The following DLG1 variants were observed in gnomAD, a reference collection of about 807,000 sequenced individuals.
DLG1 encodes discs large MAGUK scaffold protein 1, also known as disks large homolog 1.
In DLG1, 42 loss-of-function variants were observed where a neutral mutation model predicts 123.4. That is an observed-to-expected ratio of 0.34 (90% CI 0.27 to 0.44). The LOEUF (loss-of-function observed/expected upper bound fraction) is 0.44. Among genes scored for constraint, DLG1 ranks in the 20% least tolerant of loss-of-function variants. The probability of loss-of-function intolerance (pLI) is 1.00; values close to 1 mark genes in which losing one functional copy is unlikely to be tolerated. For synonymous variants in DLG1, 317 were observed against 356.2 expected, an observed-to-expected ratio of 0.89 and a Z score of 1.24; for missense variants, 942 against 1,082.6, an observed-to-expected ratio of 0.87 and a Z score of 1.82.
At chr3:197,120,169 G>A (rs1340231995) in intron 11 of DLG1, among the ~76,000 whole-genome samples, 5 of 151,906 alleles carry the variant, frequency 3.3e-5, no homozygotes, top group South Asian at 4.2e-4. Flanking sequence ...GCTGAGGTGG[G>A]AGAATTGCTT....
At chr3:197,267,055 T>C (rs1396354076) in intron 4 of DLG1, among the ~76,000 whole-genome samples, 2 of 152,188 alleles carry the variant, frequency 1.3e-5, no homozygotes, top group African/African-American at 4.8e-5. Context: ...CAGAGGTTAA[T>C]TCTGGGGAAC....
chr3:197,294,771 A>T (rs556456035), intron 3 of DLG1, among the ~76,000 whole-genome samples: 3 of 152,264 alleles, frequency 2.0e-5, no homozygotes, highest in South Asian at 2.1e-4. Flanking sequence ...ATGTCTCTGA[A>T]CACAGCAAAC....
chr3:197,184,013 G>C (rs1714231289), intron 5 of DLG1: 34 of 1,338,892 alleles, frequency 2.5e-5, no homozygotes, highest in Non-Finnish European at 3.0e-5. Context: ...CCTGTTAGCT[G>C]TATGATGGCT....
chr3:197,109,604 CT>C (rs1420966507), intron 13 of DLG1, among the ~76,000 whole-genome samples: 1 of 152,072 alleles, frequency 6.6e-6, no homozygotes, highest in Non-Finnish European at 1.5e-5. Flanking sequence ...CTCTTTATTT[CT>C]TCATGTGGAT....
chr3:197,051,472 A>G, intron 24 of DLG1, 105 bp downstream of exon 24: 1 of 825,116 alleles, frequency 1.2e-6, no homozygotes, highest in South Asian at 1.5e-5. Flanking sequence ...ACTAGTTACT[A>G]CGGGTAGATG....
At chr3:197,113,442 T>G (rs1771229107) in intron 13 of DLG1, among the ~76,000 whole-genome samples, 1 of 152,208 alleles carries the variant, frequency 6.6e-6, no homozygotes, top group Admixed American at 6.5e-5. Flanking sequence ...TTTGAAAGTA[T>G]TACTAGGTAT....
At chr3:197,166,969 T>C (rs1801768330) in intron 5 of DLG1, among the ~76,000 whole-genome samples, 1 of 151,912 alleles carries the variant, frequency 6.6e-6, no homozygotes, top group Admixed American at 6.6e-5. Flanking sequence ...ACTCCAGTGC[T>C]AGAGCTCAGC....
chr3:197,170,859 G>C (rs1803841335), intron 5 of DLG1, among the ~76,000 whole-genome samples: 1 of 152,060 alleles, frequency 6.6e-6, no homozygotes, highest in Admixed American at 6.6e-5. Flanking sequence ...TTGTCTTATA[G>C]CTTTGGGTTT....
In DLG1 at chr3:197,221,536, G is replaced by GA. The variant is rs1192184550; in HGVS notation, c.319-26948dup. Among the ~76,000 whole-genome samples the GA allele has an allele frequency of 1.3e-3, 182 of 136,654 alleles. 1 individual carries two copies. Among genetic ancestry groups the GA allele is most frequent in the East Asian group, 2.7e-3 (13 of 4,810 alleles). The allele number at this position is 136,654 out of a possible 152,430, so 89.7% of individuals were successfully genotyped here. A position where few individuals can be genotyped will look rare whatever the true frequency, so the allele number is the denominator to read the frequency against. ...TGAGACTCCATCTCAAAAAGAAAAGGAAAAAAAAAAAAGAAACATAACAGG... is the reference window on the plus strand; with the variant it reads ...TGAGACTCCATCTCAAAAAGAAAAGGAAAAAAAAAAAAAGAAACATAACAGG... On this transcript the variant is annotated intron_variant, in intron 4 of 24. Coordinates refer to ENST00000667157, the MANE Select transcript of DLG1 (RefSeq NM_001366207.1).
chr3:197,076,513 G>T, intron 18 of DLG1, 73 bp downstream of exon 18: 1 of 1,159,988 alleles, frequency 8.6e-7, no homozygotes, highest in Non-Finnish European at 1.2e-6. Flanking sequence ...TGTCTCCATG[G>T]TAACAACCAA....
In DLG1 at chr3:197,119,528, A is replaced by C. The variant is rs1456338992; in HGVS notation, c.1168T>G (p.Ser390Ala). Reference protein sequence around the residue: ...GYAPPDITNSSSQPVDNHVSP... With the variant: ...GYAPPDITNSASQPVDNHVSP... The stretch of plus-strand genomic sequence containing the variant: ...ACATGGTTATCAACAGGCTGAGAAG[A>C]AGCTTCAAAATAAACAAAGTGAAAA... Residue 390 changes from serine (S) to alanine (A), a missense_variant and splice_region_variant, in exon 12 of 25, where the codon TCT becomes GCT. Physicochemically the swap from Ser to Ala is moderately conservative, Grantham distance 99 (BLOSUM62 1). Coordinates refer to ENST00000667157, the MANE Select transcript of DLG1 (RefSeq NM_001366207.1). 8.7e-6 allele frequency: 14 copies of C among 1,603,928 alleles called. No individual in the cohort carries two copies. The highest frequency in any genetic ancestry group is 2.2e-5 in the South Asian group (2 of 89,866).
intron 11 of DLG1, among the ~76,000 whole-genome samples, chr3:197,121,823 C>CAAAAAAAAAAAAAAAAAAAAAAAAA (rs71161995): frequency 2.9e-5 from 3 of 102,000 alleles, no homozygotes; most frequent in African/African-American, 4.1e-5. Flanking sequence ...ACAATCACCA[C>CAAAAAAAAAAAAAAAAAAAAAAAAA]AAAAAAAAAA....
chr3:197,108,236 A>G (rs1437392508), intron 13 of DLG1, among the ~76,000 whole-genome samples: 5 of 152,126 alleles, frequency 3.3e-5, no homozygotes, highest in Non-Finnish European at 7.4e-5. Flanking sequence ...ATCTATATTC[A>G]TATGGGATAT....
At chr3:197,193,257 A>C (rs1036769940) in intron 5 of DLG1, among the ~76,000 whole-genome samples, 1 of 152,214 alleles carries the variant, frequency 6.6e-6, no homozygotes, top group African/African-American at 2.4e-5. Context: ...ACAGATAAGG[A>C]AACCTAAAGG....
At chr3:197,282,622 G>A in intron 4 of DLG1, 57 bp downstream of exon 4, 7 of 1,133,160 alleles carry the variant, frequency 6.2e-6, no homozygotes, top group Non-Finnish European at 8.4e-6. Context: ...AAGAAACATA[G>A]TAACATAAAT....
chr3:197,291,725 G>A (rs1775029012), intron 3 of DLG1, among the ~76,000 whole-genome samples: 1 of 152,200 alleles, frequency 6.6e-6, no homozygotes, highest in South Asian at 2.1e-4. Flanking sequence ...TAGCATCTGA[G>A]GGTCCAAGGG....
chr3:197,253,821 T>C (rs1755593741), intron 4 of DLG1, among the ~76,000 whole-genome samples: 2 of 152,126 alleles, frequency 1.3e-5, no homozygotes, highest in Admixed American at 6.6e-5. Context: ...CTAGAGTTAC[T>C]ACTAGAGGAA....
intron 4 of DLG1, 183 bp downstream of exon 4, chr3:197,282,496 C>G (rs1010770725): frequency 2.5e-6 from 1 of 393,294 alleles, no homozygotes. Context: ...ACAGGGGCAA[C>G]AGAGAATCTG....
At chr3:197,264,180 AACC>A (rs1477536603) in intron 4 of DLG1, among the ~76,000 whole-genome samples, 1 of 152,198 alleles carries the variant, frequency 6.6e-6, no homozygotes, top group Non-Finnish European at 1.5e-5. Context: ...GGGTCATCAT[AACC>A]ACAACCACTT....
Sources: gnomAD v4.1 joint callset for allele counts (sites outside exome capture counted in the v4.1 genomes callset) on GRCh38, gnomAD v4.1.1 for gene constraint, MANE v1.5 for transcripts, NCBI Gene and HGNC (gene_info 2026-07-23, HGNC 2026-07-21) for gene names.